The following RNF115 variants were observed in gnomAD, a reference collection of about 807,000 sequenced individuals.
The protein encoded by RNF115 is ring finger protein 115, also known as E3 ubiquitin-protein ligase RNF115.
Under a neutral mutation model 39.2 loss-of-function variants are expected in RNF115, and 31 were observed. The observed-to-expected ratio is 0.79, with a 90% CI of 0.59 to 1.07. RNF115 has a LOEUF of 1.07. Ranked by LOEUF, RNF115 falls within the 50% of genes least tolerant of loss-of-function variation. The pLI is 0.00. For synonymous variants in RNF115, 124 were observed against 131.0 expected (o/e 0.95, Z 0.37); for missense variants, 384 against 381.7 (o/e 1.01, Z -0.05).
At chr1:145,754,809 T>C (rs180947070) in intron 4 of RNF115, among the ~76,000 whole-genome samples, 68 of 152,366 alleles carry the variant, frequency 4.5e-4, no homozygotes, top group African/African-American at 1.6e-3. Context: ...TTCTTTTTTT[T>C]AGAATGCTTC....
chr1:145,746,870 A>G lies in RNF115; in HGVS notation c.911T>C (p.Phe304Ser). The change falls in exon 9 of 9, where the codon TTC becomes TCC. Residue 304 changes from phenylalanine to serine, a missense_variant. Phe to Ser is a radical substitution (Grantham distance 155, BLOSUM62 -2). Coordinates refer to ENST00000582693, the MANE Select transcript of RNF115 (RefSeq NM_014455.4). The part of the protein sequence containing the change: ...NDSQLHDRWT[F>S] ...ATTCAGGTGTGGTCTTTAGCTTCAG[A>G]AAGTCCATCGGTCATGTAGCTGACT... 1.2e-6 allele frequency: 2 copies of G among 1,614,034 alleles called. No homozygotes were observed. The highest frequency in any genetic ancestry group is 1.7e-6 in the Non-Finnish European group (2 of 1,179,932).
In RNF115 at chr1:145,745,819, T is replaced by C. The variant is rs1441342084; in HGVS notation, c.*1047A>G. ...CATCTGTCTTTCTGTGCCTGTATGCTGCCCAACTCATTCCCAAAAAGGAAT... is the reference window on the plus strand; with the variant it reads ...CATCTGTCTTTCTGTGCCTGTATGCCGCCCAACTCATTCCCAAAAAGGAAT... On this transcript the variant is annotated 3_prime_UTR_variant, in exon 9 of 9. Transcript: ENST00000582693. 2 of 152,056 alleles carry C rather than the reference T, an allele frequency of 1.3e-5. No homozygotes were observed. The highest frequency in any genetic ancestry group is 3.9e-4 in the East Asian group (2 of 5,164). The allele number at this position is 152,056 out of a possible 1,614,324, so 9.4% of individuals were successfully genotyped here. A position where few individuals can be genotyped will look rare whatever the true frequency, so the allele number is the denominator to read the frequency against.
rs782537412 is a variant in RNF115 at position 145,746,951 on chromosome 1, G to C, written c.830C>G (p.Ser277Cys). 5.6e-6 allele frequency: 9 copies of C among 1,613,952 alleles called. No homozygotes were observed. Among genetic ancestry groups the C allele is most frequent in the Non-Finnish European group, 7.6e-6 (9 of 1,179,956 alleles). Residue 277 changes from serine (S) to cysteine (C), a missense_variant, in exon 9 of 9, where the codon TCT becomes TGT. Transcript: ENST00000582693. ...CTCAGTGCTCTGGCTTTGCCGAGTAGAGTCCTCACCATTTAAGCTCTTCCT... is the reference window on the plus strand; with the variant it reads ...CTCAGTGCTCTGGCTTTGCCGAGTACAGTCCTCACCATTTAAGCTCTTCCT... ...VCRKSLNGED[S>C]TRQSQSTEAS...
chr1:145,765,526 C>T (rs1354389307), intron 4 of RNF115, among the ~76,000 whole-genome samples: 1 of 152,098 alleles, frequency 6.6e-6, no homozygotes, highest in Non-Finnish European at 1.5e-5. Flanking sequence ...AATTTCCTTG[C>T]TGATTCTATA....
intron 1 of RNF115, among the ~76,000 whole-genome samples, chr1:145,809,488 A>ATTTTTTTTTTTTTTTTT (rs781918386): frequency 4.3e-5 from 2 of 46,342 alleles, no homozygotes; most frequent in African/African-American, 1.9e-4. Flanking sequence ...GACCCAGCTA[A>ATTTTTTTTTTTTTTTTT]TTTTTTTTTT....
chr1:145,808,925 C>A (rs1416268649), intron 1 of RNF115, among the ~76,000 whole-genome samples: 2 of 152,160 alleles, frequency 1.3e-5, no homozygotes, highest in African/African-American at 4.8e-5. Flanking sequence ...CTAGAAGAAG[C>A]TTTCATTCAA....
At chr1:145,783,888 A>C (rs1442663894) in intron 3 of RNF115, among the ~76,000 whole-genome samples, 1 of 152,040 alleles carries the variant, frequency 6.6e-6, no homozygotes, top group Admixed American at 6.5e-5. Context: ...GTGAAAAAAG[A>C]AAATTACTCT....
intron 4 of RNF115, among the ~76,000 whole-genome samples, chr1:145,769,100 AATAGTTATACT>A (rs1348205942): frequency 3.3e-5 from 5 of 152,230 alleles, no homozygotes; most frequent in Non-Finnish European, 7.3e-5. Context: ...ACTTATACTA[AATAGTTATACT>A]AAAATTTTTT....
At chr1:145,758,324 C>T (rs1553713482) in intron 4 of RNF115, among the ~76,000 whole-genome samples, 1 of 152,086 alleles carries the variant, frequency 6.6e-6, no homozygotes, top group Non-Finnish European at 1.5e-5. Context: ...GAACTAAGGC[C>T]TCCTGCCAAC....
At chr1:145,791,917 A>C (rs1431105454) in intron 1 of RNF115, among the ~76,000 whole-genome samples, 4 of 151,690 alleles carry the variant, frequency 2.6e-5, no homozygotes, top group East Asian at 1.9e-4. Flanking sequence ...TTTCTTTTTT[A>C]TTTTTTATTT....
rs368758332 is a variant in RNF115, at chr1:145,752,970, T to C, written c.500+8A>G. The C allele has an allele frequency of 1.5e-5, 24 of 1,572,938 alleles. No homozygotes were observed. In the African/African-American group the frequency reaches 2.8e-4, roughly 19 times the overall value. Reference sequence around the variant, plus strand: ...ATAGAGTAAGATAGAAAACAATTAGTTACTTACCAGGAAAAAGGGTGTGGA... The same window carrying C: ...ATAGAGTAAGATAGAAAACAATTAGCTACTTACCAGGAAAAAGGGTGTGGA... On this transcript the variant is annotated splice_region_variant and intron_variant, in intron 5 of 8. Transcript: ENST00000582693.
chr1:145,788,674 G>GT, intron 2 of RNF115: 1 of 643,082 alleles, frequency 1.6e-6, no homozygotes, highest in Non-Finnish European at 2.9e-6. Context: ...GGAGCAGTGC[G>GT]TATCACCACA....
chr1:145,785,678 T>C (rs1161868559), intron 2 of RNF115, among the ~76,000 whole-genome samples: 1 of 152,158 alleles, frequency 6.6e-6, no homozygotes, highest in African/African-American at 2.4e-5. Context: ...ATTTGTAGGA[T>C]TACAATACCA....
intron 1 of RNF115, among the ~76,000 whole-genome samples, chr1:145,818,432 C>CA (rs1650084145): frequency 7.0e-6 from 1 of 142,056 alleles, no homozygotes; most frequent in African/African-American, 2.6e-5. Flanking sequence ...AAACCAAAAT[C>CA]ATACCAACCA....
At chr1:145,805,541 C>CT (rs1553721483) in intron 1 of RNF115, among the ~76,000 whole-genome samples, 1 of 151,982 alleles carries the variant, frequency 6.6e-6, no homozygotes, top group African/African-American at 2.4e-5. Context: ...TTTGACATTG[C>CT]TTTGCATTAT....
intron 1 of RNF115, among the ~76,000 whole-genome samples, chr1:145,801,705 T>C (rs1399788573): frequency 1.3e-5 from 2 of 152,178 alleles, no homozygotes; most frequent in Non-Finnish European, 2.9e-5. Flanking sequence ...ATATTTCCAA[T>C]GTATGCAGTC....
At chr1:145,786,236 T>A (rs2101563143) in intron 2 of RNF115, among the ~76,000 whole-genome samples, 1 of 152,346 alleles carries the variant, frequency 6.6e-6, no homozygotes. Context: ...AAGGTGCTCC[T>A]CTACATGGAA....
chr1:145,748,657 G>A (rs961773997), intron 7 of RNF115, among the ~76,000 whole-genome samples: 3 of 152,028 alleles, frequency 2.0e-5, no homozygotes, highest in Non-Finnish European at 4.4e-5. Flanking sequence ...GGGTGAAGGC[G>A]GGTGGATCAC....
At chr1:145,766,699 G>A (rs587697440) in intron 4 of RNF115, among the ~76,000 whole-genome samples, 65 of 137,994 alleles carry the variant, frequency 4.7e-4, no homozygotes, top group African/African-American at 1.7e-3. Flanking sequence ...CCTCCCGGAC[G>A]GGGCGGCTGT....
Sources: allele counts gnomAD v4.1 joint callset (sites outside exome capture counted in the v4.1 genomes callset), GRCh38; gene constraint gnomAD v4.1.1; transcripts MANE v1.5; gene names NCBI Gene and HGNC (gene_info 2026-07-23, HGNC 2026-07-21).